COPS7B: variants seen among roughly 807,000 people sequenced by gnomAD.
COPS7B encodes the protein COP9 signalosome complex subunit 7b.
In COPS7B, 9 loss-of-function variants were observed where a neutral mutation model predicts 33.4. The ratio of observed to expected loss-of-function variants is 0.27; its 90% CI spans 0.16 to 0.47. COPS7B has a LOEUF of 0.47. COPS7B is among the 20% of genes least tolerant of loss of function. The pLI is 0.99. For missense variants in COPS7B, 242 were observed against 318.2 expected, an observed-to-expected ratio of 0.76 and a Z score of 1.82; for synonymous variants, 119 against 126.3, an observed-to-expected ratio of 0.94 and a Z score of 0.39.
At chr2:231,802,585 T>A (rs754926013) in intron 6 of COPS7B, among the ~76,000 whole-genome samples, 14 of 152,186 alleles carry the variant, frequency 9.2e-5, no homozygotes, top group Non-Finnish European at 2.9e-5. Flanking sequence ...TCTACCAAAT[T>A]TAGGTAAAAG....
At chr2:231,797,380 A>C (rs1004278830) in intron 5 of COPS7B, among the ~76,000 whole-genome samples, 1 of 152,240 alleles carries the variant, frequency 6.6e-6, no homozygotes, top group Non-Finnish European at 1.5e-5. Context: ...CACAAGTGGA[A>C]GTTTTCAATA....
intron 4 of COPS7B, 98 bp from the exon 5 acceptor site, chr2:231,796,008 C>G (rs555258827): frequency 2.1e-6 from 2 of 965,946 alleles, no homozygotes; most frequent in Non-Finnish European, 3.2e-6. Flanking sequence ...CTGCGTTTCC[C>G]GAGCCTAGAG....
At chr2:231,798,730 G>A (rs1479812680) in intron 5 of COPS7B, 129 bp from the exon 6 acceptor site, 4 of 675,706 alleles carry the variant, frequency 5.9e-6, no homozygotes, top group Non-Finnish European at 1.0e-5. Flanking sequence ...GGCAAGAGAT[G>A]TGGCAGAGGG....
At chr2:231,801,333 C>G (rs2049739279) in intron 6 of COPS7B, 19 of 1,482,926 alleles carry the variant, frequency 1.3e-5, no homozygotes, top group African/African-American at 2.8e-5. Flanking sequence ...TCCAGCATAC[C>G]TGGGGGACCA....
intron 3 of COPS7B, among the ~76,000 whole-genome samples, chr2:231,792,622 T>G (rs909692126): frequency 6.6e-6 from 1 of 152,234 alleles, no homozygotes; most frequent in Non-Finnish European, 1.5e-5. Context: ...ATGTCTTGCT[T>G]GTTTCTTCCC....
At chr2:231,801,026 G>T in intron 6 of COPS7B, 1 of 829,908 alleles carries the variant, frequency 1.2e-6, no homozygotes, top group Non-Finnish European at 2.0e-6. Flanking sequence ...AAAGAATCAG[G>T]GTGATTCTGT....
At chr2:231,781,965 T>A (rs1018877893), upstream of COPS7B, 9 of 1,398,502 alleles carry the variant, frequency 6.4e-6, no homozygotes, top group Non-Finnish European at 7.9e-6. Context: ...TGCTTGTTTG[T>A]TGGTCTGAGG....
chr2:231,784,111 G>A (rs555840738), upstream of COPS7B, among the ~76,000 whole-genome samples: 12 of 126,250 alleles, frequency 9.5e-5, no homozygotes, highest in East Asian at 3.1e-3. Flanking sequence ...GGGCATGGGA[G>A]TTTGGACTGA....
At position 231,786,456 on chromosome 2, in the gene COPS7B, T is replaced by G; in HGVS notation, c.-99T>G. On this transcript the variant is annotated 5_prime_UTR_variant, in exon 1 of 7. Coordinates refer to ENST00000350033, the MANE Select transcript of COPS7B (RefSeq NM_022730.4). ...GACAGAAAAGCGCCGGACGCCGGGG[T>G]GATCATGGACGCTTGACAACCTGCG... 1 of 985,552 alleles carries G rather than the reference T, an allele frequency of 1.0e-6. No homozygotes were observed. Among genetic ancestry groups the G allele is most frequent in the Non-Finnish European group, 1.2e-6 (1 of 829,928 alleles). The allele number at this position is 985,552 out of a possible 1,614,324, so 61.1% of individuals were successfully genotyped here. A position where few individuals can be genotyped will look rare whatever the true frequency, so the allele number is the denominator to read the frequency against.
At chr2:231,803,756 A>T (rs1424735829) in intron 6 of COPS7B, among the ~76,000 whole-genome samples, 1 of 152,202 alleles carries the variant, frequency 6.6e-6, no homozygotes, top group Non-Finnish European at 1.5e-5. Flanking sequence ...CTGCAGAAGG[A>T]TGATGCGCGG....
Position 231,807,496 on chromosome 2 carries a change from A to G in COPS7B, c.646A>G (p.Ile216Val). 1 of 1,612,258 alleles carries G rather than the reference A, an allele frequency of 6.2e-7. No individual in the cohort carries two copies. The highest frequency in any genetic ancestry group is 8.5e-7 in the Non-Finnish European group (1 of 1,179,182). The change falls in exon 7 of 7, where the codon ATC (isoleucine) becomes GTC (valine). Residue 216 changes from isoleucine (I) to valine (V), a missense_variant. Ile to Val is a conservative substitution (Grantham distance 29). Coordinates refer to ENST00000350033, the MANE Select transcript of COPS7B (RefSeq NM_022730.4). ...QQQVEAEVTN[I>V]KKTLKATASS... Reference sequence around the variant, plus strand: ...TATATCTCCCCACCAGGTTACCAACATCAAGAAGACACTCAAAGCCACCGC... The same window carrying G: ...TATATCTCCCCACCAGGTTACCAACGTCAAGAAGACACTCAAAGCCACCGC...
chr2:231,791,856 C>G lies in COPS7B; in HGVS notation c.238+48C>G, dbSNP rs76628934. ...AAAGACTTGTGTTAATTATGTTGCT[C>G]AGTTTGGAAGACCATCAAGGTTTGA... On this transcript the variant is annotated intron_variant, in intron 3 of 6. Coordinates refer to ENST00000350033, the MANE Select transcript of COPS7B (RefSeq NM_022730.4). The G allele has an allele frequency of 8.5e-5, 130 of 1,521,352 alleles. No individual in the cohort carries two copies. In the African/African-American group the frequency reaches 1.6e-3, roughly 18 times the overall value. The allele number at this position is 1,521,352 out of a possible 1,614,324, so 94.2% of individuals were successfully genotyped here. A position where few individuals can be genotyped will look rare whatever the true frequency, so the allele number is the denominator to read the frequency against.
At chr2:231,806,553 C>CA (rs199988222) in intron 6 of COPS7B, among the ~76,000 whole-genome samples, 8,879 of 89,570 alleles carry the variant, frequency 0.099, 496 homozygotes, top group African/African-American at 0.19. Flanking sequence ...ACTCTGTCTC[C>CA]AAAAAAAAAA....
chr2:231,793,395 A>G (rs1002608003), intron 3 of COPS7B: 2 of 152,298 alleles, frequency 1.3e-5, no homozygotes, highest in Non-Finnish European at 2.9e-5. Flanking sequence ...TTTGGAATCC[A>G]GAATTATCGT....
intron 2 of COPS7B, 64 bp downstream of exon 2, chr2:231,788,796 AG>A (rs1329179094): frequency 5.7e-5 from 85 of 1,498,654 alleles, no homozygotes; most frequent in Non-Finnish European, 1.8e-6. Flanking sequence ...AGGTTTCCAA[AG>A]AATTTCAGTG....
At chr2:231,794,771 G>A (rs112006689) in intron 4 of COPS7B, among the ~76,000 whole-genome samples, 4,616 of 152,166 alleles carry the variant, frequency 0.03, 213 homozygotes, top group African/African-American at 0.1. Flanking sequence ...TGTTGTTGTT[G>A]TTGAGACGGA....
chr2:231,797,995 C>G (rs1346738850), intron 5 of COPS7B, among the ~76,000 whole-genome samples: 2 of 152,132 alleles, frequency 1.3e-5, no homozygotes, highest in Non-Finnish European at 2.9e-5. Flanking sequence ...TCAAGCGATT[C>G]TCCTGCCTCA....
Position 231,791,783 on chromosome 2 carries a change from C to T in COPS7B, c.213C>T (p.Ala71=), listed in dbSNP as rs2049424491. Residue 71 remains alanine (A), a synonymous_variant, in exon 3 of 7, where the codon GCC becomes GCT. Coordinates refer to ENST00000350033, the MANE Select transcript of COPS7B (RefSeq NM_022730.4). ...AAYLQLLNLF[A]YGTYPDYIAN... The stretch of plus-strand genomic sequence containing the variant: ...ATTTGCAGTTGTTGAACCTGTTTGC[C>T]TATGGGACATACCCAGATTACATAG... 3 of 1,614,088 alleles carry T rather than the reference C, an allele frequency of 1.9e-6. No individual in the cohort carries two copies. The highest frequency in any genetic ancestry group is 2.5e-6 in the Non-Finnish European group (3 of 1,179,978).
upstream of COPS7B, chr2:231,781,718 T>G: frequency 1.1e-6 from 1 of 875,512 alleles, no homozygotes; most frequent in South Asian, 1.5e-5. Context: ...GACTCCAGTG[T>G]GCCGCGCAGT....
Sources: gnomAD v4.1 joint callset for allele counts (sites outside exome capture counted in the v4.1 genomes callset) on GRCh38, gnomAD v4.1.1 for gene constraint, MANE v1.5 for transcripts, NCBI Gene and HGNC (gene_info 2026-07-23, HGNC 2026-07-21) for gene names.